Variants in MRM3 observed in about 807,000 individuals in gnomAD.
MRM3 encodes the protein mitochondrial rRNA methyltransferase 3.
MRM3 carries 26 observed loss-of-function variants against 29.4 expected under a neutral mutation model. The observed-to-expected ratio is 0.89, with a 90% CI of 0.65 to 1.23. The LOEUF is 1.23. Ranked by LOEUF, MRM3 falls within the 50% of genes most tolerant of loss-of-function variation. The pLI is 0.00. For missense variants in MRM3, 578 were observed against 540.2 expected, an observed-to-expected ratio of 1.07 and a Z score of -0.69; for synonymous variants, 225 against 219.0, an observed-to-expected ratio of 1.03 and a Z score of -0.24.
rs748381136 is a variant in MRM3 at position 791,949 on chromosome 17, C to T, written c.1143C>T (p.Pro381=). 8 of 1,614,074 alleles carry T rather than the reference C, an allele frequency of 5.0e-6. No homozygotes were observed. The highest frequency in any genetic ancestry group is 2.2e-5 in the East Asian group (1 of 44,884). ...ESTGGKRLLI[P]VVPGVDSLNS... is the part of the protein sequence containing the mutation. ...CTGGTGGCAAGAGGCTGCTGATCCC[C>T]GTTGTGCCTGGTGTGGACAGCCTCA... Residue 381 remains proline, a synonymous_variant, in exon 4 of 4, where the codon CCC becomes CCT. Transcript: ENST00000304478.
In MRM3 at chr17:785,073, C is replaced by A. The variant is rs549915635; in HGVS notation, c.559+1746C>A. On this transcript the variant is annotated intron_variant, in intron 2 of 3. Coordinates refer to ENST00000304478, the MANE Select transcript of MRM3 (RefSeq NM_018146.4). ...TATACGACAAAATACTAGTAAGATT[C>A]AAAAAAACTGTACAGTCCCTTGGGA... Among the ~76,000 whole-genome samples the A allele has an allele frequency of 2.0e-5, 3 of 151,724 alleles. No individual in the cohort carries two copies. The East Asian group carries it at 5.8e-4, about 29-fold the overall frequency.
intron 3 of MRM3, 60 bp from the exon 4 acceptor site, chr17:791,474 C>T (rs1489807838): frequency 6.5e-7 from 1 of 1,540,892 alleles, no homozygotes; most frequent in East Asian, 2.3e-5. Context: ...AGACTTACTC[C>T]ACAGTCCCCT....
At chr17:789,125 A>T (rs1331326297) in intron 3 of MRM3, among the ~76,000 whole-genome samples, 1 of 152,198 alleles carries the variant, frequency 6.6e-6, no homozygotes, top group African/African-American at 2.4e-5. Context: ...ATACCCAGCC[A>T]TGTTTATTAT....
Position 787,879 on chromosome 17 carries a change from C to T in MRM3, c.560-86C>T. On this transcript the variant is annotated intron_variant, in intron 2 of 3. Transcript: ENST00000304478. The surrounding 1 kb of genome is among the most constrained non-coding windows in gnomAD (Gnocchi z 4.1). ...TCCTGTATTTTTATGTAACTAAGAC[C>T]ATATCAAGATTGATAAGTAAATGAA... 7.6e-7 allele frequency: 1 copy of T among 1,310,092 alleles called. No individual in the cohort carries two copies. The highest frequency in any genetic ancestry group is 1.7e-5 in the Admixed American group (1 of 57,342). 81.2% of individuals were successfully genotyped at this position (1,310,092 alleles called of 1,614,324 possible).
At position 782,539 on chromosome 17, in the gene MRM3, C is replaced by T; in HGVS notation, c.161C>T (p.Pro54Leu). The T allele has an allele frequency of 1.2e-6, 2 of 1,613,760 alleles. No homozygotes were observed. Among genetic ancestry groups the T allele is most frequent in the Non-Finnish European group, 1.7e-6 (2 of 1,179,694 alleles). ...GAGGTGGTGGAACAGAAGCGCGCTC[C>T]TGGGAAGCAGCCCCGCAAGGCACCA... Reference protein sequence around the residue: ...SGEVVEQKRAPGKQPRKAPSE... With the variant: ...SGEVVEQKRALGKQPRKAPSE... Residue 54 changes from proline to leucine, a missense_variant, in exon 1 of 4, where the codon CCT becomes CTT. Coordinates refer to ENST00000304478, the MANE Select transcript of MRM3 (RefSeq NM_018146.4).
intron 3 of MRM3, among the ~76,000 whole-genome samples, chr17:788,625 T>A (rs961554414): frequency 1.3e-5 from 2 of 152,070 alleles, no homozygotes; most frequent in Non-Finnish European, 2.9e-5. Flanking sequence ...GCCAAGTCAA[T>A]CACTGTTAGG....
Position 782,559 on chromosome 17 carries a change from G to T in MRM3, c.181G>T (p.Ala61Ser). ...KRAPGKQPRK[A>S]PSEASAQEQR... is the part of the protein sequence containing the mutation. ...CGCTCCTGGGAAGCAGCCCCGCAAG[G>T]CACCATCTGAGGCCAGTGCCCAGGA... Residue 61 changes from alanine to serine, a missense_variant, in exon 1 of 4, where the codon GCA becomes TCA. Coordinates refer to ENST00000304478, the MANE Select transcript of MRM3 (RefSeq NM_018146.4). 6.2e-7 allele frequency: 1 copy of T among 1,614,058 alleles called. No homozygotes were observed. The highest frequency in any genetic ancestry group is 1.1e-5 in the South Asian group (1 of 91,082).
chr17:792,028 G>C lies in MRM3; in HGVS notation c.1222G>C (p.Gly408Arg). 3 of 1,613,008 alleles carry C rather than the reference G, an allele frequency of 1.9e-6. No homozygotes were observed. Among genetic ancestry groups the C allele is most frequent in the Non-Finnish European group, 2.5e-6 (3 of 1,179,620 alleles). The part of the protein sequence containing the change: ...LLFEGKRQLR[G>R]RAEDLSRDRS... The stretch of plus-strand genomic sequence containing the variant: ...TTTCGAAGGGAAAAGACAGCTGCGG[G>C]GGAGGGCGGAGGACTTGAGCAGGGA... The change falls in exon 4 of 4, where the codon GGG becomes CGG. Residue 408 changes from glycine to arginine, a missense_variant. Transcript: ENST00000304478.
chr17:782,995 T>C lies in MRM3; in HGVS notation c.315-88T>C, dbSNP rs901636296. The C allele has an allele frequency of 1.9e-5, 28 of 1,507,290 alleles. No homozygotes were observed. In the Admixed American group the frequency reaches 6.0e-4, roughly 32 times the overall value. The allele number at this position is 1,507,290 out of a possible 1,614,324, so 93.4% of individuals were successfully genotyped here. ...GAGCCACCGCGCCCGGCCCTCTCCG[T>C]AGCTCTTTATTTCTGTTACAACTAA... On this transcript the variant is annotated intron_variant, in intron 1 of 3. Coordinates refer to ENST00000304478, the MANE Select transcript of MRM3 (RefSeq NM_018146.4).
At position 791,571 on chromosome 17, in the gene MRM3, G is replaced by C; in HGVS notation, c.765G>C (p.Ala255=). 6.2e-7 allele frequency: 1 copy of C among 1,614,124 alleles called. No individual in the cohort carries two copies. The highest frequency in any genetic ancestry group is 8.5e-7 in the Non-Finnish European group (1 of 1,180,020). ...VDAWEPKVLR[A]GMGAHFRMPI... ...CCTGGGAGCCCAAAGTGCTCCGGGC[G>C]GGTATGGGCGCACATTTCCGGATGC... The change falls in exon 4 of 4, where the codon GCG becomes GCC. Residue 255 remains alanine, a synonymous_variant. Transcript: ENST00000304478.
At chr17:786,514 A>G (rs1910542186) in intron 2 of MRM3, among the ~76,000 whole-genome samples, 1 of 152,006 alleles carries the variant, frequency 6.6e-6, no homozygotes, top group Admixed American at 6.6e-5. Context: ...TAACCTCATG[A>G]TCCGCCCACC....
chr17:782,710 C>G lies in MRM3; in HGVS notation c.314+18C>G, dbSNP rs759352334. ...AGGCTGAGGTGATGTGGTTCTTGAG[C>G]CTGTCGAATGTTCTCGTTTCCCTTC... On this transcript the variant is annotated intron_variant, in intron 1 of 3. Transcript: ENST00000304478. 4 of 1,577,478 alleles carry G rather than the reference C, an allele frequency of 2.5e-6. No individual in the cohort carries two copies. Among genetic ancestry groups the G allele is most frequent in the African/African-American group, 2.7e-5 (2 of 73,942 alleles).
chr17:786,065 C>T lies in MRM3; in HGVS notation c.560-1900C>T, dbSNP rs541673085. 1.2e-4 allele frequency among the ~76,000 whole-genome samples: 19 copies of T among 152,292 alleles called. No individual in the cohort carries two copies. In the South Asian group the frequency reaches 3.7e-3, roughly 30 times the overall value. On this transcript the variant is annotated intron_variant, in intron 2 of 3. Coordinates refer to ENST00000304478, the MANE Select transcript of MRM3 (RefSeq NM_018146.4). ...CAAATGGAAACAAATGATAGACCCG[C>T]TTTTAAGAAGGGTTTGAGCTGGAAA...
intron 1 of MRM3, 45 bp downstream of exon 1, chr17:782,737 C>A (rs1312477447): frequency 1.3e-6 from 2 of 1,543,872 alleles, no homozygotes; most frequent in East Asian, 4.6e-5. Flanking sequence ...TTTCCCTTCC[C>A]GTCGCACAGC....
chr17:786,624 TG>T (rs1910548474), intron 2 of MRM3, among the ~76,000 whole-genome samples: 1 of 152,096 alleles, frequency 6.6e-6, no homozygotes, highest in South Asian at 2.1e-4. Flanking sequence ...TTGTTCAGGC[TG>T]GTCTCAAACT....
chr17:791,386 C>G lies in MRM3; in HGVS notation c.728-148C>G, dbSNP rs1910811677. 13 of 763,000 alleles carry G rather than the reference C, an allele frequency of 1.7e-5. 1 individual carries two copies. In the South Asian group the frequency reaches 1.9e-4, roughly 11 times the overall value. The allele number at this position is 763,000 out of a possible 1,614,324, so 47.3% of individuals were successfully genotyped here. On this transcript the variant is annotated intron_variant, in intron 3 of 3. Coordinates refer to ENST00000304478, the MANE Select transcript of MRM3 (RefSeq NM_018146.4). ...CTATAGTCGCTGTGCTGGATGCTGT[C>G]AGAGAGAGGCAGAAGGTCCCATCCC...
At chr17:790,390 C>T (rs537977380) in intron 3 of MRM3, 1 of 159,962 alleles carries the variant, frequency 6.3e-6, no homozygotes, top group African/African-American at 2.4e-5. Flanking sequence ...TGCTTAAGAT[C>T]CCTCAATGGC....
At chr17:788,297 G>C (rs1206722946) in intron 3 of MRM3, 165 bp downstream of exon 3, 2 of 638,790 alleles carry the variant, frequency 3.1e-6, no homozygotes, top group Admixed American at 6.0e-5. Flanking sequence ...GTGTGGTGGG[G>C]TGTGCCTGTA....
Position 787,827 on chromosome 17 carries a change from G to T in MRM3, c.560-138G>T. On this transcript the variant is annotated intron_variant, in intron 2 of 3. Coordinates refer to ENST00000304478, the MANE Select transcript of MRM3 (RefSeq NM_018146.4). The surrounding 1 kb of genome is among the most constrained non-coding windows in gnomAD (Gnocchi z 4.1). ...GCCTCCCGAAGTGTTGGGATTACAG[G>T]CATGAGCCAGTACACCTGGCCTGTA... is the stretch of plus-strand genomic sequence containing the variant. 2.2e-6 allele frequency: 2 copies of T among 901,126 alleles called. No individual in the cohort carries two copies. The highest frequency in any genetic ancestry group is 3.1e-5 in the South Asian group (2 of 64,470). 55.8% of individuals were successfully genotyped at this position (901,126 alleles called of 1,614,324 possible).
Sources: gnomAD v4.1 joint callset for allele counts (sites outside exome capture counted in the v4.1 genomes callset) on GRCh38, gnomAD v4.1.1 for gene constraint, Gnocchi (gnomAD v3.1) non-coding constraint, MANE v1.5 for transcripts, NCBI Gene and HGNC (gene_info 2026-07-23, HGNC 2026-07-21) for gene names.